The following JAK2 variants were observed in gnomAD, a reference collection of about 807,000 sequenced individuals.
JAK2 encodes the protein Janus kinase 2.
JAK2 carries 86 observed loss-of-function variants against 139.3 expected under a neutral mutation model. That is an observed-to-expected ratio of 0.62 (90% CI 0.52 to 0.74). The LOEUF is 0.74. Ranked by LOEUF, JAK2 falls within the 30% of genes least tolerant of loss-of-function variation. The pLI is 0.00. For synonymous variants in JAK2, 490 were observed against 437.7 expected, an observed-to-expected ratio of 1.12 and a Z score of -1.49; for missense variants, 1,421 against 1,360.3, an observed-to-expected ratio of 1.04 and a Z score of -0.70.
At chr9:5,052,967 G>A (rs1817523163) in intron 6 of JAK2, among the ~76,000 whole-genome samples, 2 of 151,974 alleles carry the variant, frequency 1.3e-5, no homozygotes, top group Non-Finnish European at 2.9e-5. Context: ...TTGTATATGA[G>A]TAATTTTGTG....
At chr9:5,085,238 G>T (rs1183542382) in intron 19 of JAK2, 1 of 672,088 alleles carries the variant, frequency 1.5e-6, no homozygotes, top group Non-Finnish European at 2.9e-6. Flanking sequence ...AATAGGACAG[G>T]ACCAGTGGCT....
intron 10 of JAK2, among the ~76,000 whole-genome samples, chr9:5,068,262 T>C (rs1227195687): frequency 6.6e-6 from 1 of 152,006 alleles, no homozygotes; most frequent in Non-Finnish European, 1.5e-5. Context: ...TAAATGTTTC[T>C]GAGTAGAATG....
chr9:5,111,016 C>T lies in JAK2; in HGVS notation c.3060-11988C>T, dbSNP rs570911914. 2.3e-4 allele frequency: 180 copies of T among 772,664 alleles called. No individual in the cohort carries two copies. In the African/African-American group the frequency reaches 2.6e-3, roughly 11 times the overall value. 47.9% of individuals were successfully genotyped at this position (772,664 alleles called of 1,614,324 possible). A position where few individuals can be genotyped will look rare whatever the true frequency, so the allele number is the denominator to read the frequency against. ...GCTGCCCGTTGCCAACGGGAAGGGCCGGCCCGCCTCCCTGGCCGGGGCGCA... is the reference window on the plus strand; with the variant it reads ...GCTGCCCGTTGCCAACGGGAAGGGCTGGCCCGCCTCCCTGGCCGGGGCGCA... On this transcript the variant is annotated intron_variant, in intron 22 of 24. Coordinates refer to ENST00000381652, the MANE Select transcript of JAK2 (RefSeq NM_004972.4).
intron 4 of JAK2, among the ~76,000 whole-genome samples, chr9:5,042,701 C>T (rs1204518665): frequency 6.6e-6 from 1 of 152,164 alleles, no homozygotes; most frequent in Non-Finnish European, 1.5e-5. Flanking sequence ...TGGAGGGGTG[C>T]TGTGGGGCCA....
intron 22 of JAK2, chr9:5,111,514 C>G (rs1026782858): frequency 2.7e-6 from 1 of 365,860 alleles, no homozygotes; most frequent in Admixed American, 3.7e-5. Context: ...CCTATCCATC[C>G]GCCAAGACGC....
intron 18 of JAK2, among the ~76,000 whole-genome samples, chr9:5,081,380 A>C (rs1205754682): frequency 6.6e-6 from 1 of 151,870 alleles, no homozygotes; most frequent in Non-Finnish European, 1.5e-5. Context: ...CTCCTTTTTC[A>C]AAATACTGAG....
intron 2 of JAK2, among the ~76,000 whole-genome samples, chr9:5,010,812 A>G (rs1369246960): frequency 6.6e-6 from 1 of 152,080 alleles, no homozygotes; most frequent in Non-Finnish European, 1.5e-5. Context: ...CTCAGCATCC[A>G]TTTATCTGAA....
chr9:5,091,981 G>GGCGAAGATACTGCCGATT (rs1249437996), intron 22 of JAK2, among the ~76,000 whole-genome samples: 1 of 152,040 alleles, frequency 6.6e-6, no homozygotes, highest in Non-Finnish European at 1.5e-5. Flanking sequence ...TGAGGAATCC[G>GGCGAAGATACTGCCGATT]GCGAAGATAC....
At chr9:5,089,961 A>T in intron 20 of JAK2, 98 bp downstream of exon 20, 1 of 751,994 alleles carries the variant, frequency 1.3e-6, no homozygotes, top group Non-Finnish European at 1.9e-6. Context: ...GACTTATGCC[A>T]ATGCCCAGAG....
intron 8 of JAK2, among the ~76,000 whole-genome samples, chr9:5,062,947 A>C (rs1818289472): frequency 6.6e-6 from 1 of 151,976 alleles, no homozygotes. Context: ...TATTCCCACA[A>C]TGTATGTTAG....
At chr9:5,004,753 A>T (rs1274847818) in intron 2 of JAK2, among the ~76,000 whole-genome samples, 1 of 152,126 alleles carries the variant, frequency 6.6e-6, no homozygotes, top group Non-Finnish European at 1.5e-5. Context: ...CCAAGAGTAT[A>T]CAAGAGTTTC....
chr9:5,002,023 T>G (rs1820955096), intron 2 of JAK2, among the ~76,000 whole-genome samples: 1 of 151,990 alleles, frequency 6.6e-6, no homozygotes, highest in Non-Finnish European at 1.5e-5. Context: ...ATATCCTGCT[T>G]TTTTTACATC....
intron 17 of JAK2, 48 bp downstream of exon 17, chr9:5,080,428 A>G (rs749071811): frequency 1.9e-6 from 3 of 1,552,608 alleles, no homozygotes; most frequent in Non-Finnish European, 2.6e-6. Flanking sequence ...CTGAACTTTC[A>G]TATTTCTTTC....
At chr9:5,034,611 A>C (rs1222333664) in intron 4 of JAK2, among the ~76,000 whole-genome samples, 2 of 152,230 alleles carry the variant, frequency 1.3e-5, no homozygotes, top group South Asian at 2.1e-4. Context: ...ACTACATGGA[A>C]ACTGAACAAC....
intron 3 of JAK2, among the ~76,000 whole-genome samples, chr9:5,027,135 AG>A (rs1176155088): frequency 2.0e-5 from 3 of 152,254 alleles, no homozygotes; most frequent in Non-Finnish European, 2.9e-5. Context: ...GGACAACTGA[AG>A]AAACCAGATG....
chr9:5,020,003 C>T (rs763361072), intron 2 of JAK2, among the ~76,000 whole-genome samples: 16 of 152,098 alleles, frequency 1.1e-4, no homozygotes, highest in Non-Finnish European at 1.3e-4. Flanking sequence ...CCAGGCAGTC[C>T]AATTTTTGGG....
rs1288016111 is a variant in JAK2, at chr9:5,127,913, A to T, written c.*1122A>T. 2 of 232,364 alleles carry T rather than the reference A, an allele frequency of 8.6e-6. No homozygotes were observed. The highest frequency in any genetic ancestry group is 1.7e-5 in the Non-Finnish European group (2 of 117,442). The allele number at this position is 232,364 out of a possible 1,614,324, so 14.4% of individuals were successfully genotyped here. The stretch of plus-strand genomic sequence containing the variant: ...AAATAAGTAAAAAAGTATGCTTGTT[A>T]ATTTTATTCAAGAATGCCAGTAGAA... On this transcript the variant is annotated 3_prime_UTR_variant, in exon 25 of 25. Coordinates refer to ENST00000381652, the MANE Select transcript of JAK2 (RefSeq NM_004972.4).
chr9:4,985,696 C>T (rs748809819), intron 1 of JAK2, 66 bp downstream of exon 1: 2 of 152,654 alleles, frequency 1.3e-5, no homozygotes, highest in Admixed American at 1.3e-4. Flanking sequence ...CCCTTCCTAC[C>T]TTTTGGTCCC....
At chr9:5,023,358 C>T (rs560532895) in intron 3 of JAK2, among the ~76,000 whole-genome samples, 16 of 152,298 alleles carry the variant, frequency 1.1e-4, no homozygotes, top group Middle Eastern at 3.4e-3. Flanking sequence ...TACGATGCCA[C>T]TGGGCCCCAG....
Sources: allele counts gnomAD v4.1 joint callset (sites outside exome capture counted in the v4.1 genomes callset), GRCh38; gene constraint gnomAD v4.1.1; transcripts MANE v1.5; gene names NCBI Gene and HGNC (gene_info 2026-07-23, HGNC 2026-07-21).